CHP2: variants seen among roughly 807,000 people sequenced by gnomAD.
The protein encoded by CHP2 is calcineurin like EF-hand protein 2, also known as calcineurin B homologous protein 2.
Under a neutral mutation model 24.7 loss-of-function variants are expected in CHP2, and 31 were observed. The ratio of observed to expected loss-of-function variants is 1.26; its 90% CI spans 0.94 to 1.69. The LOEUF (loss-of-function observed/expected upper bound fraction) is 1.69, where lower values mean the gene tolerates loss of function less well. CHP2 is among the 40% of genes most tolerant of loss of function. The pLI is 0.00. For synonymous variants in CHP2, 97 were observed against 99.1 expected, an observed-to-expected ratio of 0.98 and a Z score of 0.13; for missense variants, 319 against 261.5, an observed-to-expected ratio of 1.22 and a Z score of -1.52.
intron 5 of CHP2, 22 bp downstream of exon 5, chr16:23,756,471 G>C: frequency 6.2e-7 from 1 of 1,600,054 alleles, no homozygotes; most frequent in Non-Finnish European, 8.6e-7. Flanking sequence ...GCGAGAGCAA[G>C]AGATGTGATG....
intron 5 of CHP2, 142 bp from the exon 6 acceptor site, chr16:23,757,059 T>TG (rs5816221): frequency 0.69 from 608,342 of 884,544 alleles, 213,387 homozygotes; most frequent in East Asian, 0.89. Context: ...GGAAAATTAT[T>TG]GGGGGATATG....
Position 23,758,594 on chromosome 16 carries a change from C to T in CHP2, c.*1011C>T, listed in dbSNP as rs1308004716. 1.3e-5 allele frequency: 2 copies of T among 152,312 alleles called. No homozygotes were observed. The highest frequency in any genetic ancestry group is 1.9e-4 in the East Asian group (1 of 5,182). The allele number at this position is 152,312 out of a possible 1,614,324, so 9.4% of individuals were successfully genotyped here. Reference sequence around the variant, plus strand: ...AATTCCAAGTGGAGAGTGTCATTGACCCGTTTGGGGTCTCATCTCTACTTC... The same window carrying T: ...AATTCCAAGTGGAGAGTGTCATTGATCCGTTTGGGGTCTCATCTCTACTTC... On this transcript the variant is annotated 3_prime_UTR_variant, in exon 7 of 7. Coordinates refer to ENST00000300113, the MANE Select transcript of CHP2 (RefSeq NM_022097.4).
chr16:23,755,200 T>A, intron 1 of CHP2, 84 bp downstream of exon 1: 1 of 994,338 alleles, frequency 1.0e-6, no homozygotes, highest in Non-Finnish European at 1.5e-6. Context: ...GGTTGAAGGA[T>A]GGACGAACTT....
intron 1 of CHP2, 36 bp from the exon 2 acceptor site, chr16:23,755,625 G>C: frequency 6.3e-7 from 1 of 1,596,762 alleles, no homozygotes; most frequent in Non-Finnish European, 8.6e-7. Flanking sequence ...TGGCCCTGCA[G>C]AGTCACACAC....
At chr16:23,755,444 T>C (rs1405106704) in intron 1 of CHP2, 3 of 603,144 alleles carry the variant, frequency 5.0e-6, no homozygotes, top group Non-Finnish European at 8.8e-6. Context: ...TCTTTGGTTT[T>C]CGGGAGGTTG....
chr16:23,755,424 T>C (rs1961207722), intron 1 of CHP2: 2 of 599,808 alleles, frequency 3.3e-6, no homozygotes, highest in Non-Finnish European at 5.9e-6. Context: ...TTGGAAGGGA[T>C]GGCTTTGGTT....
Position 23,755,829 on chromosome 16 carries a change from T to G in CHP2, c.141-18T>G. ...TCTGGCATCTCTGCCTTACCCTCTT[T>G]GAAATTTGGCTTTGCAGCCGCATGG... On this transcript the variant is annotated intron_variant, in intron 2 of 6. Transcript: ENST00000300113. 2.5e-6 allele frequency: 4 copies of G among 1,614,142 alleles called. No homozygotes were observed. The highest frequency in any genetic ancestry group is 3.4e-6 in the Non-Finnish European group (4 of 1,180,016).
chr16:23,756,488 G>A (rs759560832), intron 5 of CHP2, 39 bp downstream of exon 5: 4 of 1,547,130 alleles, frequency 2.6e-6, no homozygotes, highest in South Asian at 2.2e-5. Flanking sequence ...GATGTGTGAA[G>A]GATGGGATGG....
Position 23,755,394 on chromosome 16 carries a change from G to A in CHP2, c.68-267G>A, listed in dbSNP as rs76642167. ...GTGTCCTCCAGCCCGGCTCGAAGCT[G>A]AAGGCAGAGCTGACGGCGGTTGGAA... is the stretch of plus-strand genomic sequence containing the variant. On this transcript the variant is annotated intron_variant, in intron 1 of 6. Coordinates refer to ENST00000300113, the MANE Select transcript of CHP2 (RefSeq NM_022097.4). The A allele has an allele frequency of 4.4e-4, 262 of 599,270 alleles. 1 individual carries two copies. Among genetic ancestry groups the A allele is most frequent in the African/African-American group, 4.3e-3 (233 of 53,944 alleles). 37.1% of individuals were successfully genotyped at this position (599,270 alleles called of 1,614,324 possible).
At chr16:23,757,175 T>C (rs1961237154) in intron 5 of CHP2, 26 bp from the exon 6 acceptor site, 1 of 1,613,898 alleles carries the variant, frequency 6.2e-7, no homozygotes, top group Non-Finnish European at 8.5e-7. Flanking sequence ...CCCCTCCTTA[T>C]GGCTGCCTCT....
chr16:23,755,382 C>T (rs575614199), intron 1 of CHP2: 6 of 597,666 alleles, frequency 1.0e-5, no homozygotes, highest in African/African-American at 9.3e-5. Context: ...TCCTCCAGCC[C>T]GGCTCGAAGC....
rs1447311295 is a variant in CHP2, at chr16:23,755,887, C to T, written c.181C>T (p.Pro61Ser). The T allele has an allele frequency of 1.2e-6, 2 of 1,614,098 alleles. No individual in the cohort carries two copies. The highest frequency in any genetic ancestry group is 1.7e-5 in the Admixed American group (1 of 59,996). ...LQQIGALAVN[P>S]LGDRIIESFF... is the part of the protein sequence containing the mutation. ...GCAGATAGGGGCGCTCGCCGTGAACCCCCTGGGAGACCGAATTATAGAAAG... is the reference window on the plus strand; with the variant it reads ...GCAGATAGGGGCGCTCGCCGTGAACTCCCTGGGAGACCGAATTATAGAAAG... The change falls in exon 3 of 7, where the codon CCC (proline) becomes TCC (serine). Residue 61 changes from proline to serine, a missense_variant. Transcript: ENST00000300113.
At chr16:23,757,396 C>A in intron 6 of CHP2, 73 bp downstream of exon 6, 1 of 1,588,314 alleles carries the variant, frequency 6.3e-7, no homozygotes. Flanking sequence ...AAACGTTCAA[C>A]GGAGGAGGGC....
At chr16:23,757,007 G>A (rs1961234173) in intron 5 of CHP2, among the ~76,000 whole-genome samples, 194 bp from the exon 6 acceptor site, 1 of 152,152 alleles carries the variant, frequency 6.6e-6, no homozygotes, top group Non-Finnish European at 1.5e-5. Flanking sequence ...GGTAGTGCAG[G>A]ATGGTGAGGG....
In CHP2 at chr16:23,755,080, A is replaced by C. The variant is rs1961203104; in HGVS notation, c.31A>C (p.Ile11Leu). The C allele has an allele frequency of 6.2e-7, 1 of 1,600,468 alleles. No homozygotes were observed. Among genetic ancestry groups the C allele is most frequent in the Non-Finnish European group, 8.5e-7 (1 of 1,176,128 alleles). The change falls in exon 1 of 7, where the codon ATT becomes CTT. Residue 11 changes from isoleucine to leucine, a missense_variant. Transcript: ENST00000300113. Reference sequence around the variant, plus strand: ...GTCGCGCAGCTCCCACGCCGCGGTCATTCCCGACGGGGACAGTATTCGGCG... The same window carrying C: ...GTCGCGCAGCTCCCACGCCGCGGTCCTTCCCGACGGGGACAGTATTCGGCG... MGSRSSHAAV[I>L]PDGDSIRRET...
chr16:23,755,109 G>A lies in CHP2; in HGVS notation c.60G>A (p.Glu20=). ...VIPDGDSIRR[E]TGFSQASLLR... ...CCGACGGGGACAGTATTCGGCGAGAGACCGGCTGTGAGTGCGCCCGCGTCG... is the reference window on the plus strand; with the variant it reads ...CCGACGGGGACAGTATTCGGCGAGAAACCGGCTGTGAGTGCGCCCGCGTCG... The change falls in exon 1 of 7, where the codon GAG becomes GAA. Residue 20 remains glutamate (E), a synonymous_variant. Coordinates refer to ENST00000300113, the MANE Select transcript of CHP2 (RefSeq NM_022097.4). 1 of 1,600,914 alleles carries A rather than the reference G, an allele frequency of 6.2e-7. No individual in the cohort carries two copies. Among genetic ancestry groups the A allele is most frequent in the South Asian group, 1.1e-5 (1 of 90,462 alleles).
rs1490292739 is a variant in CHP2, at chr16:23,756,151, A to G, written c.310A>G (p.Lys104Glu). The G allele has an allele frequency of 6.2e-7, 1 of 1,614,016 alleles. No individual in the cohort carries two copies. The highest frequency in any genetic ancestry group is 8.5e-7 in the Non-Finnish European group (1 of 1,180,030). The change falls in exon 4 of 7, where the codon AAG (lysine) becomes GAG (glutamate). Residue 104 changes from lysine (K) to glutamate (E), a missense_variant. Physicochemically the swap from Lys to Glu is moderately conservative, Grantham distance 56. Coordinates refer to ENST00000300113, the MANE Select transcript of CHP2 (RefSeq NM_022097.4). ...EDEDTETQDP[K>E]KPEPLNSRRN... ...TGAGGACACAGAAACCCAAGACCCCAAGAAACCTGAACCTCTCAACAGCAG... is the reference window on the plus strand; with the variant it reads ...TGAGGACACAGAAACCCAAGACCCCGAGAAACCTGAACCTCTCAACAGCAG...
In CHP2 at chr16:23,756,352, A is replaced by G. The variant is rs779148644; in HGVS notation, c.353-36A>G. On this transcript the variant is annotated intron_variant, in intron 4 of 6. Transcript: ENST00000300113. ...GGCTGCTGGAAGAGAGCCAGGGAAG[A>G]CCTACCTTCCTTTCCCCCTCCCACC... The G allele has an allele frequency of 1.0e-5, 16 of 1,600,558 alleles. No homozygotes were observed. In the African/African-American group the frequency reaches 1.7e-4, roughly 17 times the overall value.
intron 5 of CHP2, among the ~76,000 whole-genome samples, chr16:23,756,674 G>T (rs1164335470): frequency 6.6e-6 from 1 of 152,126 alleles, no homozygotes; most frequent in Non-Finnish European, 1.5e-5. Context: ...TCAACTGGGG[G>T]TGATTTTGCT....
Sources: allele counts gnomAD v4.1 joint callset (sites outside exome capture counted in the v4.1 genomes callset), GRCh38; gene constraint gnomAD v4.1.1; transcripts MANE v1.5; gene names NCBI Gene and HGNC (gene_info 2026-07-23, HGNC 2026-07-21).